Variants in ERVV-2 observed in about 807,000 individuals in gnomAD.
ERVV-2 encodes the protein endogenous retrovirus group V member 2, envelope, also known as endogenous retrovirus group V member 2 Env polyprotein.
For missense variants in ERVV-2, 291 were observed against 495.1 expected (o/e 0.59, Z 3.91); for synonymous variants, 105 against 184.6 (o/e 0.57, Z 3.49).
rs1177386095 is a variant in ERVV-2 at position 53,051,294 on chromosome 19, G to A, written c.*435G>A. On this transcript the variant is annotated 3_prime_UTR_variant, in exon 2 of 2. Transcript: ENST00000601417. The stretch of plus-strand genomic sequence containing the variant: ...CCTCAGTAGCTGGGACTACAGGCAT[G>A]TGCCGCCATGCCCGGCTAATTTTGT... 6.6e-6 allele frequency among the ~76,000 whole-genome samples: 1 copy of A among 151,906 alleles called. No individual in the cohort carries two copies. Among genetic ancestry groups the A allele is most frequent in the Non-Finnish European group, 1.5e-5 (1 of 67,988 alleles).
chr19:53,045,193 T>C (rs1187025869), intron 1 of ERVV-2, among the ~76,000 whole-genome samples: 1 of 152,158 alleles, frequency 6.6e-6, no homozygotes, highest in Non-Finnish European at 1.5e-5. Flanking sequence ...GGAGGGAGGA[T>C]TTAAACTCCA....
rs1600778211 is a variant in ERVV-2, at chr19:53,051,001, T to C, written c.*142T>C. 4.1e-6 allele frequency: 3 copies of C among 725,782 alleles called. No individual in the cohort carries two copies. Among genetic ancestry groups the C allele is most frequent in the Non-Finnish European group, 6.4e-6 (3 of 469,842 alleles). The allele number at this position is 725,782 out of a possible 1,614,324, so 45.0% of individuals were successfully genotyped here. ...GGAGGGAAATATTAGGGTAGGCAGG[T>C]AGGCAGGCATGAGCAGGCAAGAGAG... On this transcript the variant is annotated 3_prime_UTR_variant, in exon 2 of 2. Coordinates refer to ENST00000601417, the MANE Select transcript of ERVV-2 (RefSeq NM_001191055.2).
At position 53,044,767 on chromosome 19, in the gene ERVV-2, G is replaced by A. The variant is rs564966964; in HGVS notation, c.-577G>A. ...ACTCCTTCTTTTCAGGAGCCCACTC[G>A]GTTCTGTCGTTCAGGGTGTCGCTTC... On this transcript the variant is annotated 5_prime_UTR_variant, in exon 1 of 2. Transcript: ENST00000601417. 6.6e-6 allele frequency: 1 copy of A among 152,144 alleles called. No homozygotes were observed. 9.4% of individuals were successfully genotyped at this position (152,144 alleles called of 1,614,324 possible).
chr19:53,050,895 C>T lies in ERVV-2; in HGVS notation c.*36C>T, dbSNP rs575572059. 1.3e-4 allele frequency: 184 copies of T among 1,464,862 alleles called. No individual in the cohort carries two copies. The East Asian group carries it at 2.6e-3, about 21-fold the overall frequency. The allele number at this position is 1,464,862 out of a possible 1,614,324, so 90.7% of individuals were successfully genotyped here. On this transcript the variant is annotated 3_prime_UTR_variant, in exon 2 of 2. Coordinates refer to ENST00000601417, the MANE Select transcript of ERVV-2 (RefSeq NM_001191055.2). ...GAGAGGGAGACCCTGATGACTTCTT[C>T]GCCCCATGTCAGCAGGAAGTAGTTA...
chr19:53,050,551 G>GT lies in ERVV-2; in HGVS notation c.1300_1301insT (p.Gly434ValfsTer46), dbSNP rs2083908392. ...TGAGGCTACGTGGCTCCATGACTTT[G>GT]GAAAAGGAGGTGCTTCAGCAAGGGC... On this transcript the variant is annotated frameshift_variant, in exon 2 of 2. Coordinates refer to ENST00000601417, the MANE Select transcript of ERVV-2 (RefSeq NM_001191055.2). LOFTEE classifies it low-confidence loss of function (END_TRUNC). 1.2e-5 allele frequency: 9 copies of GT among 776,828 alleles called. No homozygotes were observed. The South Asian group carries it at 1.3e-4, about 11-fold the overall frequency. 48.1% of individuals were successfully genotyped at this position (776,828 alleles called of 1,614,324 possible). A position where few individuals can be genotyped will look rare whatever the true frequency, so the allele number is the denominator to read the frequency against.
chr19:53,049,841 T>C lies in ERVV-2; in HGVS notation c.590T>C (p.Leu197Pro). 13 of 1,535,062 alleles carry C rather than the reference T, an allele frequency of 8.5e-6. No homozygotes were observed. The highest frequency in any genetic ancestry group is 1.1e-5 in the Non-Finnish European group (13 of 1,146,664). Reference sequence around the variant, plus strand: ...AAAGAGCTAATCACATGGAGGGTTCTATATTCGCTTCCCAAGGCACACACT... The same window carrying C: ...AAAGAGCTAATCACATGGAGGGTTCCATATTCGCTTCCCAAGGCACACACT... ...EGKELITWRV[L>P]YSLPKAHTVP... Residue 197 changes from leucine to proline, a missense_variant, in exon 2 of 2, where the codon CTA becomes CCA. Leu to Pro is a moderately conservative substitution (Grantham distance 98, BLOSUM62 -3). Coordinates refer to ENST00000601417, the MANE Select transcript of ERVV-2 (RefSeq NM_001191055.2).
rs1026687180 is a variant in ERVV-2, at chr19:53,051,058, C to T, written c.*199C>T. Reference sequence around the variant, plus strand: ...GGAAAGGAATCTTTAGAAACGCAGCCCACTGATAGCTTCCTTGGTGATGCT... The same window carrying T: ...GGAAAGGAATCTTTAGAAACGCAGCTCACTGATAGCTTCCTTGGTGATGCT... On this transcript the variant is annotated 3_prime_UTR_variant, in exon 2 of 2. Coordinates refer to ENST00000601417, the MANE Select transcript of ERVV-2 (RefSeq NM_001191055.2). 3.7e-6 allele frequency: 2 copies of T among 541,066 alleles called. No individual in the cohort carries two copies. Among genetic ancestry groups the T allele is most frequent in the Non-Finnish European group, 6.4e-6 (2 of 310,732 alleles). The allele number at this position is 541,066 out of a possible 1,614,324, so 33.5% of individuals were successfully genotyped here.
chr19:53,046,735 A>G (rs1353308074), intron 1 of ERVV-2, among the ~76,000 whole-genome samples: 1 of 152,200 alleles, frequency 6.6e-6, no homozygotes, highest in African/African-American at 2.4e-5. Context: ...AATCATTAGT[A>G]TTAGCCCAAT....
intron 1 of ERVV-2, among the ~76,000 whole-genome samples, chr19:53,045,747 C>T (rs1027978457): frequency 2.0e-5 from 3 of 152,260 alleles, no homozygotes; most frequent in South Asian, 2.1e-4. Flanking sequence ...TCCCTCTCCT[C>T]GCCGCAGGGA....
chr19:53,045,693 C>A (rs1351198837), intron 1 of ERVV-2, among the ~76,000 whole-genome samples: 1 of 152,120 alleles, frequency 6.6e-6, no homozygotes, highest in Admixed American at 6.5e-5. Flanking sequence ...CATATGCCCC[C>A]ACCGTTGATT....
In ERVV-2 at chr19:53,050,765, C is replaced by T. The variant is rs773518742; in HGVS notation, c.1514C>T (p.Ser505Phe). 1.3e-6 allele frequency: 2 copies of T among 1,536,020 alleles called. No individual in the cohort carries two copies. The highest frequency in any genetic ancestry group is 1.2e-5 in the South Asian group (1 of 84,070). ...KSPQMERYQL[S>F]VIGGPSTYKH... ...CCCCAAATGGAAAGATATCAGCTAT[C>T]TGTCATTGGAGGCCCCAGCACCTAT... Residue 505 changes from serine (S) to phenylalanine (F), a missense_variant, in exon 2 of 2, where the codon TCT (serine) becomes TTT (phenylalanine). By Grantham distance (155) the Ser-to-Phe change is radical (BLOSUM62 -2). Transcript: ENST00000601417.
chr19:53,045,636 G>A (rs1568462827), intron 1 of ERVV-2, among the ~76,000 whole-genome samples: 1 of 152,134 alleles, frequency 6.6e-6, no homozygotes, highest in Non-Finnish European at 1.5e-5. Flanking sequence ...CCGGTGTTAA[G>A]TCAGCTCTTA....
chr19:53,046,310 C>T (rs1453640066), intron 1 of ERVV-2, among the ~76,000 whole-genome samples: 1 of 152,022 alleles, frequency 6.6e-6, no homozygotes, highest in African/African-American at 2.4e-5. Flanking sequence ...TTGGGTCCTT[C>T]TCCGCCTGCC....
intron 1 of ERVV-2, among the ~76,000 whole-genome samples, chr19:53,045,175 T>A (rs538765964): frequency 6.6e-6 from 1 of 152,280 alleles, no homozygotes; most frequent in South Asian, 2.1e-4. Context: ...TGAGGGGTGA[T>A]AAGCAGAGGA....
intron 1 of ERVV-2, among the ~76,000 whole-genome samples, chr19:53,048,033 C>T (rs1378195736): frequency 1.3e-5 from 2 of 151,878 alleles, no homozygotes; most frequent in African/African-American, 4.8e-5. Context: ...AAAACGGGCT[C>T]AAAAGAAAAA....
Position 53,050,557 on chromosome 19 carries a change from G to C in ERVV-2, c.1306G>C (p.Gly436Arg). Reference sequence around the variant, plus strand: ...TACGTGGCTCCATGACTTTGGAAAAGGAGGTGCTTCAGCAAGGGCCATCTG... The same window carrying C: ...TACGTGGCTCCATGACTTTGGAAAACGAGGTGCTTCAGCAAGGGCCATCTG... ...EATWLHDFGK[G>R]GASARAIWEA... is the part of the protein sequence containing the mutation. The change falls in exon 2 of 2, where the codon GGA (glycine) becomes CGA (arginine). Residue 436 changes from glycine to arginine, a missense_variant. Transcript: ENST00000601417. 2.5e-6 allele frequency: 2 copies of C among 793,868 alleles called. No homozygotes were observed. The highest frequency in any genetic ancestry group is 4.3e-6 in the Non-Finnish European group (2 of 468,190). 49.2% of individuals were successfully genotyped at this position (793,868 alleles called of 1,614,324 possible).
chr19:53,048,962 C>T lies in ERVV-2; in HGVS notation c.-290C>T. 1 of 561,744 alleles carries T rather than the reference C, an allele frequency of 1.8e-6. No homozygotes were observed. Among genetic ancestry groups the T allele is most frequent in the Admixed American group, 3.1e-5 (1 of 31,834 alleles). The allele number at this position is 561,744 out of a possible 1,614,324, so 34.8% of individuals were successfully genotyped here. A position where few individuals can be genotyped will look rare whatever the true frequency, so the allele number is the denominator to read the frequency against. On this transcript the variant is annotated 5_prime_UTR_variant, in exon 2 of 2. Coordinates refer to ENST00000601417, the MANE Select transcript of ERVV-2 (RefSeq NM_001191055.2). Reference sequence around the variant, plus strand: ...ACCACAGAAGAACAACAGAATTCAGCACCTGAGCATTCTTGTGAGCCACTG... The same window carrying T: ...ACCACAGAAGAACAACAGAATTCAGTACCTGAGCATTCTTGTGAGCCACTG...
chr19:53,048,806 A>G (rs1184711399), intron 1 of ERVV-2, 61 bp from the exon 2 acceptor site: 2 of 262,474 alleles, frequency 7.6e-6, no homozygotes, highest in African/African-American at 4.6e-5. Flanking sequence ...GAGATGGGTC[A>G]TCTGGGTCTC....
Position 53,049,023 on chromosome 19 carries a change from GT to G in ERVV-2, c.-228del. On this transcript the variant is annotated 5_prime_UTR_variant, in exon 2 of 2. Coordinates refer to ENST00000601417, the MANE Select transcript of ERVV-2 (RefSeq NM_001191055.2). ...AATTCCACTTCAAGTGAAAAGATAAGTAAAGCCTTCTCTCTGTTCACCCAAA... is the reference window on the plus strand; with the variant it reads ...AATTCCACTTCAAGTGAAAAGATAAGAAAGCCTTCTCTCTGTTCACCCAAA... The G allele has an allele frequency of 1.5e-6, 1 of 647,682 alleles. No individual in the cohort carries two copies. Among genetic ancestry groups the G allele is most frequent in the Admixed American group, 2.9e-5 (1 of 34,054 alleles). The allele number at this position is 647,682 out of a possible 1,614,324, so 40.1% of individuals were successfully genotyped here. A position where few individuals can be genotyped will look rare whatever the true frequency, so the allele number is the denominator to read the frequency against.
Sources: allele counts gnomAD v4.1 joint callset (sites outside exome capture counted in the v4.1 genomes callset), GRCh38; gene constraint gnomAD v4.1.1; transcripts MANE v1.5; gene names NCBI Gene and HGNC (gene_info 2026-07-23, HGNC 2026-07-21).